Variants in EPB41L4A observed in about 807,000 individuals in gnomAD.
EPB41L4A encodes band 4.1-like protein 4A.
In EPB41L4A, 100 loss-of-function variants were observed where a neutral mutation model predicts 108.6. That is an observed-to-expected ratio of 0.92 (90% CI 0.78 to 1.09). The LOEUF is 1.09. Among genes scored for constraint, EPB41L4A ranks in the 50% least tolerant of loss-of-function variants. EPB41L4A has a pLI of 0.00. For missense variants in EPB41L4A, 1,030 were observed against 842.7 expected, an observed-to-expected ratio of 1.22 and a Z score of -2.75; for synonymous variants, 319 against 289.0, an observed-to-expected ratio of 1.10 and a Z score of -1.05.
chr5:112,278,796 G>A (rs1438887923), intron 3 of EPB41L4A, among the ~76,000 whole-genome samples: 2 of 151,184 alleles, frequency 1.3e-5, no homozygotes, highest in Admixed American at 6.6e-5. Flanking sequence ...GCTCACACCT[G>A]TAATCCCAGC....
chr5:112,373,893 CAA>C, intron 1 of EPB41L4A, among the ~76,000 whole-genome samples: 1 of 152,302 alleles, frequency 6.6e-6, no homozygotes, highest in East Asian at 1.9e-4. Context: ...TGAAATTACA[CAA>C]GTTTGTTTTC....
At chr5:112,285,563 G>C (rs1753229511) in intron 2 of EPB41L4A, among the ~76,000 whole-genome samples, 2 of 152,108 alleles carry the variant, frequency 1.3e-5, no homozygotes, top group African/African-American at 4.8e-5. Flanking sequence ...CACCATAATA[G>C]AGCTATCTTG....
chr5:112,223,199 C>A (rs1397006622), intron 12 of EPB41L4A, among the ~76,000 whole-genome samples: 1 of 152,108 alleles, frequency 6.6e-6, no homozygotes, highest in Non-Finnish European at 1.5e-5. Context: ...CTTGGCCTCC[C>A]AAAGTGCTGG....
intron 9 of EPB41L4A, among the ~76,000 whole-genome samples, chr5:112,247,828 T>G (rs1035650944): frequency 1.3e-5 from 2 of 152,188 alleles, no homozygotes; most frequent in African/African-American, 4.8e-5. Flanking sequence ...TTTGAACTAT[T>G]TCTTCAGGTA....
chr5:112,374,874 A>C (rs1335178961), intron 1 of EPB41L4A, among the ~76,000 whole-genome samples: 1 of 152,222 alleles, frequency 6.6e-6, no homozygotes, highest in Middle Eastern at 3.2e-3. Flanking sequence ...ACCATCACCT[A>C]GAATGGATGT....
intron 1 of EPB41L4A, among the ~76,000 whole-genome samples, chr5:112,321,166 C>T (rs901584606): frequency 6.6e-6 from 1 of 152,078 alleles, no homozygotes; most frequent in Non-Finnish European, 1.5e-5. Context: ...GAGGAGAGAA[C>T]ACGACAAGAG....
chr5:112,234,797 C>A (rs200130804), intron 11 of EPB41L4A, 42 bp from the exon 12 acceptor site: 59 of 1,581,860 alleles, frequency 3.7e-5, no homozygotes, highest in Non-Finnish European at 4.7e-5. Context: ...TAAAACCACA[C>A]AGCCACAAAA....
At chr5:112,306,383 A>G (rs1205300086) in intron 2 of EPB41L4A, among the ~76,000 whole-genome samples, 2 of 152,152 alleles carry the variant, frequency 1.3e-5, no homozygotes, top group South Asian at 2.1e-4. Flanking sequence ...GCTATCCAAC[A>G]TACCCAATTT....
intron 17 of EPB41L4A, among the ~76,000 whole-genome samples, chr5:112,190,333 C>A (rs1440485905): frequency 6.6e-6 from 1 of 151,970 alleles, no homozygotes; most frequent in Non-Finnish European, 1.5e-5. Flanking sequence ...CATAAACACC[C>A]CCTTATGAAT....
intron 1 of EPB41L4A, among the ~76,000 whole-genome samples, chr5:112,381,132 A>C (rs958866965): frequency 4.1e-4 from 62 of 152,330 alleles, no homozygotes; most frequent in African/African-American, 1.4e-3. Flanking sequence ...ACTAAATGTG[A>C]TCAAGACTAT....
chr5:112,348,213 CTCAAG>C (rs1291390435), intron 1 of EPB41L4A, among the ~76,000 whole-genome samples: 2 of 152,294 alleles, frequency 1.3e-5, no homozygotes, highest in East Asian at 1.9e-4. Context: ...CAAAGTCCTC[CTCAAG>C]TCTTCTCCTT....
In EPB41L4A at chr5:112,226,037, C is replaced by T. The variant is rs1041359306; in HGVS notation, c.1087+8597G>A. On this transcript the variant is annotated intron_variant, in intron 12 of 22. Coordinates refer to ENST00000261486, the MANE Select transcript of EPB41L4A (RefSeq NM_022140.5). ...CCTGACATTCCTCTCCTTTGGTGGG[C>T]TCCTCATGGGGCCTGGCCTTTCATA... Among the ~76,000 whole-genome samples the T allele has an allele frequency of 2.0e-5, 3 of 152,148 alleles. No homozygotes were observed. In the East Asian group the frequency reaches 5.8e-4, roughly 29 times the overall value.
chr5:112,212,906 A>G (rs1747315138), intron 12 of EPB41L4A, among the ~76,000 whole-genome samples: 1 of 152,152 alleles, frequency 6.6e-6, no homozygotes, highest in South Asian at 2.1e-4. Flanking sequence ...CTAACAATCA[A>G]TTACTTTAGG....
intron 5 of EPB41L4A, among the ~76,000 whole-genome samples, chr5:112,265,650 G>C (rs2150457499): frequency 6.6e-6 from 1 of 152,332 alleles, no homozygotes; most frequent in Middle Eastern, 3.4e-3. Context: ...CAAGGGCAAG[G>C]ACCATGCTAT....
intron 12 of EPB41L4A, among the ~76,000 whole-genome samples, chr5:112,212,749 C>A (rs900577436): frequency 6.6e-6 from 1 of 152,080 alleles, no homozygotes; most frequent in Non-Finnish European, 1.5e-5. Context: ...AGCAGAGAGA[C>A]CAATACCCAG....
At chr5:112,165,239 A>T (rs1000093771) in intron 22 of EPB41L4A, 121 bp from the exon 23 acceptor site, 10 of 732,042 alleles carry the variant, frequency 1.4e-5, no homozygotes, top group Non-Finnish European at 2.2e-5. Flanking sequence ...CAAAAGTTTC[A>T]TAATACCAAA....
chr5:112,161,290 C>T, downstream of EPB41L4A: 1 of 349,330 alleles, frequency 2.9e-6, no homozygotes, highest in South Asian at 2.2e-5. Flanking sequence ...ATCACCTACC[C>T]TACAGGTGAG....
chr5:112,315,763 C>T (rs527890723), intron 1 of EPB41L4A, among the ~76,000 whole-genome samples: 5 of 151,366 alleles, frequency 3.3e-5, no homozygotes, highest in African/African-American at 1.2e-4. Context: ...AATTTTTATG[C>T]AATAAAAATA....
At chr5:112,297,480 T>A (rs143352264) in intron 2 of EPB41L4A, among the ~76,000 whole-genome samples, 246 of 152,238 alleles carry the variant, frequency 1.6e-3, no homozygotes, top group African/African-American at 5.8e-3. Context: ...TACTTTTTGA[T>A]GGGATTGCTT....
Sources: gnomAD v4.1 joint callset for allele counts (sites outside exome capture counted in the v4.1 genomes callset) on GRCh38, gnomAD v4.1.1 for gene constraint, MANE v1.5 for transcripts, NCBI Gene and HGNC (gene_info 2026-07-23, HGNC 2026-07-21) for gene names.